PRKAR1B: variants seen among roughly 807,000 people sequenced by gnomAD.
The protein encoded by PRKAR1B is protein kinase cAMP-dependent type I regulatory subunit beta.
A neutral mutation model predicts 46.5 loss-of-function variants in PRKAR1B; 22 were observed. The ratio of observed to expected loss-of-function variants is 0.47; its 90% CI spans 0.34 to 0.68. PRKAR1B has a LOEUF of 0.68. Ranked by LOEUF, PRKAR1B falls within the 30% of genes least tolerant of loss-of-function variation. The probability of loss-of-function intolerance (pLI) is 0.01; values close to 1 mark genes in which losing one functional copy is unlikely to be tolerated. For missense variants in PRKAR1B, 445 were observed against 535.6 expected (o/e 0.83, Z 1.67); for synonymous variants, 259 against 217.7 (o/e 1.19, Z -1.67).
intron 2 of PRKAR1B, chr7:697,100 A>C (rs776920488): frequency 2.0e-5 from 3 of 152,244 alleles, no homozygotes; most frequent in Admixed American, 6.5e-5. Context: ...CTTCGTAACA[A>C]CACTGTGGGA....
chr7:568,447 A>G (rs1348960785), intron 9 of PRKAR1B, among the ~76,000 whole-genome samples: 1 of 152,244 alleles, frequency 6.6e-6, no homozygotes, highest in African/African-American at 2.4e-5. Flanking sequence ...CAGGAGGACA[A>G]CTTCCTCCCA....
chr7:701,501 T>C (rs897128681), intron 2 of PRKAR1B, among the ~76,000 whole-genome samples: 16 of 152,128 alleles, frequency 1.1e-4, no homozygotes, highest in African/African-American at 3.6e-4. Flanking sequence ...TTCTCAAATA[T>C]GTTGAAAGGT....
At chr7:676,673 G>T (rs1778326597) in intron 4 of PRKAR1B, among the ~76,000 whole-genome samples, 1 of 152,240 alleles carries the variant, frequency 6.6e-6, no homozygotes, top group Non-Finnish European at 1.5e-5. Context: ...CCCCTGCGTG[G>T]TGAGCCCACG....
At chr7:588,151 C>T (rs1243654635) in intron 7 of PRKAR1B, among the ~76,000 whole-genome samples, 4 of 152,202 alleles carry the variant, frequency 2.6e-5, no homozygotes, top group Non-Finnish European at 5.9e-5. Context: ...ACAGATCAGA[C>T]GACTGAGCCC....
At chr7:720,246 C>T (rs1781025745) in intron 1 of PRKAR1B, among the ~76,000 whole-genome samples, 2 of 152,028 alleles carry the variant, frequency 1.3e-5, no homozygotes, top group Admixed American at 6.6e-5. Context: ...TTAGTAAAGA[C>T]AGGATTTCTC....
chr7:638,087 C>T (rs1361591732), intron 4 of PRKAR1B, among the ~76,000 whole-genome samples: 5 of 152,232 alleles, frequency 3.3e-5, no homozygotes, highest in Admixed American at 6.5e-5. Context: ...CAAGCACCAG[C>T]GTTGTCTGTG....
At chr7:629,025 C>T (rs929927265) in intron 4 of PRKAR1B, among the ~76,000 whole-genome samples, 1 of 152,248 alleles carries the variant, frequency 6.6e-6, no homozygotes, top group Non-Finnish European at 1.5e-5. Flanking sequence ...ATTGCTACAC[C>T]ACCTGTGTGT....
intron 2 of PRKAR1B, among the ~76,000 whole-genome samples, chr7:706,422 A>AT (rs33963335): frequency 0.15 from 15,531 of 102,296 alleles, 2,179 homozygotes; most frequent in South Asian, 0.25. Context: ...CAAATAAGGA[A>AT]TTTTTTTTTT....
chr7:554,079 C>A (rs1460313259), intron 9 of PRKAR1B, among the ~76,000 whole-genome samples: 1 of 152,262 alleles, frequency 6.6e-6, no homozygotes, highest in Non-Finnish European at 1.5e-5. Flanking sequence ...TCCTCCCAGT[C>A]CTGGCACTGG....
Position 550,579 on chromosome 7 carries a change from G to C in PRKAR1B, c.997C>G (p.Arg333Gly). 1 of 1,590,518 alleles carries C rather than the reference G, an allele frequency of 6.3e-7. No individual in the cohort carries two copies. The highest frequency in any genetic ancestry group is 8.5e-7 in the Non-Finnish European group (1 of 1,170,700). ...GCCACGACAGTGGCCGCCCGGGGCC[G>C]GTTCAGCAGCAGTGCAATCTCCCCT... ...YFGEIALLLN[R>G]PRAATVVARG... is the part of the protein sequence containing the mutation. Residue 333 changes from arginine (R) to glycine (G), a missense_variant, in exon 11 of 11, where the codon CGG becomes GGG. Coordinates refer to ENST00000537384, the MANE Select transcript of PRKAR1B (RefSeq NM_001164760.2).
rs1042743790 is a variant in PRKAR1B, at chr7:667,703, A to C, written c.440+9526T>G. ...GGAGGGAGCACAGGCTTAGGTGCCC[A>C]AGAACTCGAGCTCAAACCCTAGCTC... is the stretch of plus-strand genomic sequence containing the variant. On this transcript the variant is annotated intron_variant, in intron 4 of 10. Coordinates refer to ENST00000537384, the MANE Select transcript of PRKAR1B (RefSeq NM_001164760.2). This position sits in a 1 kb window ranked among gnomAD's most constrained non-coding sequence, Gnocchi z 4.3. 6.6e-6 allele frequency among the ~76,000 whole-genome samples: 1 copy of C among 152,168 alleles called. No individual in the cohort carries two copies. Among genetic ancestry groups the C allele is most frequent in the Non-Finnish European group, 1.5e-5 (1 of 68,040 alleles).
intron 9 of PRKAR1B, among the ~76,000 whole-genome samples, chr7:556,038 C>T (rs1348343569): frequency 6.6e-6 from 1 of 152,210 alleles, no homozygotes; most frequent in Non-Finnish European, 1.5e-5. Context: ...CCCTGTCTCC[C>T]TCTTGCATAT....
intron 9 of PRKAR1B, among the ~76,000 whole-genome samples, chr7:555,627 C>T (rs1156626728): frequency 6.6e-6 from 1 of 152,202 alleles, no homozygotes; most frequent in Non-Finnish European, 1.5e-5. Context: ...GCAGCTGCTG[C>T]ACCCCAGACC....
Position 571,271 on chromosome 7 carries a change from C to T in PRKAR1B, c.891+7985G>A, listed in dbSNP as rs1014569605. Among the ~76,000 whole-genome samples the T allele has an allele frequency of 2.6e-5, 4 of 152,322 alleles. No individual in the cohort carries two copies. In the South Asian group the frequency reaches 8.3e-4, roughly 32 times the overall value. On this transcript the variant is annotated intron_variant, in intron 9 of 10. Transcript: ENST00000537384. Reference sequence around the variant, plus strand: ...TGTCCGAGACCCCAGCCAGGAGCCTCGCGGTACAGGCTGGGTCCCAGCTGA... The same window carrying T: ...TGTCCGAGACCCCAGCCAGGAGCCTTGCGGTACAGGCTGGGTCCCAGCTGA...
At chr7:711,244 C>T (rs1780608987) in intron 2 of PRKAR1B, 85 bp downstream of exon 2, 2 of 1,541,492 alleles carry the variant, frequency 1.3e-6, no homozygotes, top group Non-Finnish European at 1.8e-6. Flanking sequence ...TCGAGGACCA[C>T]GGGACAGAGG....
intron 4 of PRKAR1B, among the ~76,000 whole-genome samples, chr7:665,967 A>G (rs1785897237): frequency 6.6e-6 from 1 of 152,236 alleles, no homozygotes; most frequent in Non-Finnish European, 1.5e-5. Flanking sequence ...AAAGCAGCAG[A>G]GAGCTGGAGC....
At chr7:675,155 A>T (rs1786508208) in intron 4 of PRKAR1B, among the ~76,000 whole-genome samples, 1 of 152,244 alleles carries the variant, frequency 6.6e-6, no homozygotes. Context: ...ACCTTGGCAA[A>T]GGCAGCAGTT....
At chr7:634,114 C>G (rs1448826623) in intron 4 of PRKAR1B, among the ~76,000 whole-genome samples, 2 of 152,130 alleles carry the variant, frequency 1.3e-5, no homozygotes, top group Non-Finnish European at 2.9e-5. Context: ...CCTCTGCCTC[C>G]CAGGTTCACG....
At chr7:592,853 T>G (rs1016684784) in intron 7 of PRKAR1B, among the ~76,000 whole-genome samples, 2 of 152,064 alleles carry the variant, frequency 1.3e-5, no homozygotes, top group Non-Finnish European at 2.9e-5. Flanking sequence ...GGTGGCATAG[T>G]GAGACCAGGT....
Sources: allele counts gnomAD v4.1 joint callset (sites outside exome capture counted in the v4.1 genomes callset), GRCh38; gene constraint gnomAD v4.1.1; non-coding constraint Gnocchi (gnomAD v3.1); transcripts MANE v1.5; gene names NCBI Gene and HGNC (gene_info 2026-07-23, HGNC 2026-07-21).